Variants in ADGRL3 observed in about 807,000 individuals in gnomAD.
ADGRL3 encodes calcium-independent alpha-latrotoxin receptor 3.
ADGRL3 carries 62 observed loss-of-function variants against 153.5 expected under a neutral mutation model. That is an observed-to-expected ratio of 0.40 (90% CI 0.33 to 0.50). The LOEUF (loss-of-function observed/expected upper bound fraction) is 0.50, where lower values mean the gene tolerates loss of function less well. Among genes scored for constraint, ADGRL3 ranks in the 20% least tolerant of loss-of-function variants. The pLI, the probability that ADGRL3 is intolerant of heterozygous loss-of-function variation, is 0.47. For missense variants in ADGRL3, 1,641 were observed against 1,859.4 expected (o/e 0.88, Z 2.16); for synonymous variants, 710 against 672.5 (o/e 1.06, Z -0.86).
In ADGRL3 at chr4:61,733,109, T is replaced by C. The variant is rs923740343; in HGVS notation, c.954T>C (p.His318=). Residue 318 remains histidine (H), a synonymous_variant, in exon 8 of 27, where the codon CAT becomes CAC. Coordinates refer to ENST00000683033, the MANE Select transcript of ADGRL3 (RefSeq NM_001387552.1). ...CTATCATAGCAAATGCCAATTACCATGATACCTCCCCTTACCGATGGGGAG... is the reference window on the plus strand; with the variant it reads ...CTATCATAGCAAATGCCAATTACCACGATACCTCCCCTTACCGATGGGGAG... ...GEAIIANANY[H]DTSPYRWGGK... is the part of the protein sequence containing the mutation. 4 of 1,613,466 alleles carry C rather than the reference T, an allele frequency of 2.5e-6. No homozygotes were observed. Among genetic ancestry groups the C allele is most frequent in the Non-Finnish European group, 3.4e-6 (4 of 1,179,722 alleles).
chr4:61,378,033 T>TC (rs2096625003), intron 1 of ADGRL3, among the ~76,000 whole-genome samples: 1 of 152,092 alleles, frequency 6.6e-6, no homozygotes, highest in South Asian at 2.1e-4. Flanking sequence ...AATTTAATTC[T>TC]GTTTTGGTTA....
At chr4:61,918,255 C>T (rs1367443357) in intron 13 of ADGRL3, among the ~76,000 whole-genome samples, 1 of 152,084 alleles carries the variant, frequency 6.6e-6, no homozygotes, top group South Asian at 2.1e-4. Context: ...AGGATGAAGT[C>T]GTGGTTTGTT....
At chr4:61,378,522 T>C (rs2096630955) in intron 1 of ADGRL3, among the ~76,000 whole-genome samples, 1 of 151,992 alleles carries the variant, frequency 6.6e-6, no homozygotes, top group South Asian at 2.1e-4. Context: ...AGGATGAGAC[T>C]TCAGCACAGT....
chr4:61,259,165 C>T (rs2092287947), intron 1 of ADGRL3, among the ~76,000 whole-genome samples: 1 of 152,136 alleles, frequency 6.6e-6, no homozygotes, highest in South Asian at 2.1e-4. Context: ...TGGCTAACGC[C>T]TGTAATCCCA....
rs149574750 is a variant in ADGRL3, at chr4:61,813,325, C to T, written c.1400-484C>T. 1.6e-4 allele frequency among the ~76,000 whole-genome samples: 24 copies of T among 152,106 alleles called. No individual in the cohort carries two copies. In the South Asian group the frequency reaches 3.1e-3, roughly 20 times the overall value. Reference sequence around the variant, plus strand: ...AGGAGAACAGCTTGAACCCTGGAGGCGGAGGTTGCAGTGAGTTGAGATCAC... The same window carrying T: ...AGGAGAACAGCTTGAACCCTGGAGGTGGAGGTTGCAGTGAGTTGAGATCAC... On this transcript the variant is annotated intron_variant, in intron 8 of 26. Coordinates refer to ENST00000683033, the MANE Select transcript of ADGRL3 (RefSeq NM_001387552.1).
At chr4:61,473,069 G>C (rs965425625) in intron 2 of ADGRL3, among the ~76,000 whole-genome samples, 1 of 152,076 alleles carries the variant, frequency 6.6e-6, no homozygotes, top group Non-Finnish European at 1.5e-5. Flanking sequence ...AATTTTTTCA[G>C]AGAATTTTCA....
rs150337619 is a variant in ADGRL3, at chr4:61,266,765, A to C, written c.-240+65000A>C. 2.8e-4 allele frequency among the ~76,000 whole-genome samples: 43 copies of C among 151,864 alleles called. No homozygotes were observed. The East Asian group carries it at 7.5e-3, about 27-fold the overall frequency. ...CCAAATATATTTTATGCTTAATACA[A>C]ACATCTTTTTGTTCCAAATTAGAGT... On this transcript the variant is annotated intron_variant, in intron 1 of 26. Coordinates refer to ENST00000683033, the MANE Select transcript of ADGRL3 (RefSeq NM_001387552.1).
chr4:62,021,490 A>G (rs142688566), intron 21 of ADGRL3, among the ~76,000 whole-genome samples: 1 of 152,182 alleles, frequency 6.6e-6, no homozygotes, highest in African/African-American at 2.4e-5. Context: ...TTATTCAAAC[A>G]TAAGACTCAA....
rs1268626521 is a variant in ADGRL3, at chr4:62,076,880, T to C, written c.*5972T>C. ...AAAGCTCTATTATGAATCTTTCTAA[T>C]ACATATGAAATTAATATTATATTAG... On this transcript the variant is annotated 3_prime_UTR_variant, in exon 27 of 27. Coordinates refer to ENST00000683033, the MANE Select transcript of ADGRL3 (RefSeq NM_001387552.1). 1 of 151,658 alleles carries C rather than the reference T, an allele frequency of 6.6e-6. No homozygotes were observed. Among genetic ancestry groups the C allele is most frequent in the Non-Finnish European group, 1.5e-5 (1 of 67,788 alleles). The allele number at this position is 151,658 out of a possible 1,614,324, so 9.4% of individuals were successfully genotyped here.
In ADGRL3 at chr4:61,261,155, C is replaced by T. The variant is rs539349755; in HGVS notation, c.-240+59390C>T. ...CTGGGACTACAAGCATCCAATACCA[C>T]TCCCAGCTATTTTTTGTTCTTTTTC... On this transcript the variant is annotated intron_variant, in intron 1 of 26. Transcript: ENST00000683033. 4.0e-5 allele frequency among the ~76,000 whole-genome samples: 6 copies of T among 151,436 alleles called. No individual in the cohort carries two copies. In the East Asian group the frequency reaches 7.8e-4, roughly 20 times the overall value.
At chr4:61,905,414 A>C (rs1300347283) in intron 11 of ADGRL3, among the ~76,000 whole-genome samples, 1 of 152,204 alleles carries the variant, frequency 6.6e-6, no homozygotes, top group South Asian at 2.1e-4. Flanking sequence ...TGAACACTTA[A>C]AAGTACATTC....
chr4:61,966,088 A>G (rs1213608912), intron 17 of ADGRL3, among the ~76,000 whole-genome samples: 1 of 152,202 alleles, frequency 6.6e-6, no homozygotes, highest in Admixed American at 6.6e-5. Context: ...TAGTCTAATA[A>G]ATATTCTTTT....
chr4:61,500,056 AG>A (rs2098369264), intron 3 of ADGRL3, among the ~76,000 whole-genome samples: 1 of 151,148 alleles, frequency 6.6e-6, no homozygotes, highest in Non-Finnish European at 1.5e-5. Context: ...AGAGAGAGAG[AG>A]AGAGAGAATA....
intron 5 of ADGRL3, among the ~76,000 whole-genome samples, chr4:61,646,938 G>T (rs1260155929): frequency 6.6e-6 from 1 of 152,208 alleles, no homozygotes; most frequent in Non-Finnish European, 1.5e-5. Flanking sequence ...GACTCCGTGG[G>T]CGTAGGACCC....
chr4:61,664,814 G>A (rs1317115738), intron 5 of ADGRL3, among the ~76,000 whole-genome samples: 5 of 152,046 alleles, frequency 3.3e-5, no homozygotes, highest in Admixed American at 3.3e-4. Flanking sequence ...ATTAGACAGG[G>A]GAACTTGAGA....
At chr4:61,866,315 T>C (rs1212007345) in intron 9 of ADGRL3, among the ~76,000 whole-genome samples, 1 of 152,198 alleles carries the variant, frequency 6.6e-6, no homozygotes, top group Non-Finnish European at 1.5e-5. Context: ...GTTCTGAGTA[T>C]GGCAGAGGGA....
At chr4:61,487,397 AATAC>A (rs1308293863) in intron 2 of ADGRL3, among the ~76,000 whole-genome samples, 1 of 152,176 alleles carries the variant, frequency 6.6e-6, no homozygotes, top group Non-Finnish European at 1.5e-5. Flanking sequence ...TAAATGAGTT[AATAC>A]ATGGGAGGCT....
At chr4:61,683,278 A>G (rs1053010621) in intron 6 of ADGRL3, among the ~76,000 whole-genome samples, 1 of 151,856 alleles carries the variant, frequency 6.6e-6, no homozygotes, top group Non-Finnish European at 1.5e-5. Context: ...ACACCCAACT[A>G]ATTTTTGTAT....
At chr4:61,781,359 A>C (rs2097212211) in intron 8 of ADGRL3, among the ~76,000 whole-genome samples, 1 of 151,368 alleles carries the variant, frequency 6.6e-6, no homozygotes, top group South Asian at 2.1e-4. Flanking sequence ...AAAAGAAAAG[A>C]AAAAGAAAAA....
Sources: allele counts gnomAD v4.1 joint callset (sites outside exome capture counted in the v4.1 genomes callset), GRCh38; gene constraint gnomAD v4.1.1; transcripts MANE v1.5; gene names NCBI Gene and HGNC (gene_info 2026-07-23, HGNC 2026-07-21).